Variants in TNFRSF21 observed in about 807,000 individuals in gnomAD.
TNFRSF21 encodes the protein TNF receptor superfamily member 21.
In TNFRSF21, 19 loss-of-function variants were observed where a neutral mutation model predicts 45.6. The ratio of observed to expected loss-of-function variants is 0.42; its 90% CI spans 0.29 to 0.61. The LOEUF is 0.61. Ranked by LOEUF, TNFRSF21 falls within the 20% of genes least tolerant of loss-of-function variation. The pLI, the probability that TNFRSF21 is intolerant of heterozygous loss-of-function variation, is 0.23. For synonymous variants in TNFRSF21, 314 were observed against 335.5 expected, an observed-to-expected ratio of 0.94 and a Z score of 0.70; for missense variants, 737 against 851.5, an observed-to-expected ratio of 0.87 and a Z score of 1.67.
At chr6:47,260,263 A>G (rs1765054100) in intron 3 of TNFRSF21, among the ~76,000 whole-genome samples, 1 of 117,990 alleles carries the variant, frequency 8.5e-6, no homozygotes, top group Non-Finnish European at 1.6e-5. Flanking sequence ...GGCTGAAGTC[A>G]TCCACAGGAG....
At chr6:47,283,223 T>G (rs1762594375) in intron 3 of TNFRSF21, among the ~76,000 whole-genome samples, 1 of 152,178 alleles carries the variant, frequency 6.6e-6, no homozygotes, top group African/African-American at 2.4e-5. Flanking sequence ...ACAAGTTCTA[T>G]AAGCTATTTT....
At chr6:47,233,083 G>A (rs777715157) in intron 5 of TNFRSF21, 89 bp from the exon 6 acceptor site, 34 of 1,142,766 alleles carry the variant, frequency 3.0e-5, no homozygotes, top group Non-Finnish European at 4.1e-5. Context: ...TAGAGAGAGA[G>A]ACATCTATGT....
In TNFRSF21 at chr6:47,245,452, GTGTGTT is replaced by G. The variant is rs368094663; in HGVS notation, c.1509+7798_1509+7803del. Among the ~76,000 whole-genome samples the G allele has an allele frequency of 9.3e-3, 1,182 of 127,404 alleles. 20 individuals carry two copies. The highest frequency in any genetic ancestry group is 0.041 in the African/African-American group (1,102 of 26,958). The allele number at this position is 127,404 out of a possible 152,430, so 83.6% of individuals were successfully genotyped here. A position where few individuals can be genotyped will look rare whatever the true frequency, so the allele number is the denominator to read the frequency against. On this transcript the variant is annotated intron_variant, in intron 4 of 5. Coordinates refer to ENST00000296861, the MANE Select transcript of TNFRSF21 (RefSeq NM_014452.5). ...AGTGTGTGTGTGTGTGTGTGTGTGT[GTGTGTT>G]TGTGTGTGTGTGTGTGTGTGTTGGG...
chr6:47,256,179 A>C (rs1764985337), intron 3 of TNFRSF21, among the ~76,000 whole-genome samples: 1 of 152,190 alleles, frequency 6.6e-6, no homozygotes, highest in African/African-American at 2.4e-5. Context: ...AATCCACTGA[A>C]AATGGTTTTC....
intron 4 of TNFRSF21, among the ~76,000 whole-genome samples, chr6:47,238,222 A>G (rs1216679208): frequency 1.3e-5 from 2 of 152,234 alleles, no homozygotes; most frequent in African/African-American, 2.4e-5. Flanking sequence ...GGTAACAGGA[A>G]GATTATCAAT....
chr6:47,270,619 C>G (rs1317757640), intron 3 of TNFRSF21, among the ~76,000 whole-genome samples: 2 of 152,186 alleles, frequency 1.3e-5, no homozygotes, highest in East Asian at 3.9e-4. Context: ...TCCAAAGGAT[C>G]ACAGCTCTTT....
chr6:47,234,921 T>C lies in TNFRSF21; in HGVS notation c.1510-23A>G, dbSNP rs1655431754. On this transcript the variant is annotated intron_variant, in intron 4 of 5. Transcript: ENST00000296861. ...CAGCTGTAGGAGGGAAAATTTTTTT[T>C]TATTATATATAGAAAAAAAAACAGT... 3.0e-5 allele frequency: 38 copies of C among 1,276,954 alleles called. No homozygotes were observed. In the East Asian group the frequency reaches 1.2e-3, roughly 39 times the overall value. 79.1% of individuals were successfully genotyped at this position (1,276,954 alleles called of 1,614,324 possible).
chr6:47,285,798 A>T, intron 2 of TNFRSF21, 146 bp downstream of exon 2: 2 of 890,686 alleles, frequency 2.2e-6, no homozygotes, highest in South Asian at 3.6e-5. Flanking sequence ...AGCCAGATTT[A>T]ATTAGCCACC....
chr6:47,234,795 A>G lies in TNFRSF21; in HGVS notation c.1613T>C (p.Val538Ala). The G allele has an allele frequency of 6.3e-7, 1 of 1,589,270 alleles. No homozygotes were observed. The highest frequency in any genetic ancestry group is 8.5e-7 in the Non-Finnish European group (1 of 1,170,170). The change falls in exon 5 of 6, where the codon GTG (valine) becomes GCG (alanine). Residue 538 changes from valine to alanine, a missense_variant. Val to Ala is a moderately conservative substitution (Grantham distance 64). Transcript: ENST00000296861. ...AKLENSALLT[V>A]EPSPQDKNKG... ...GTTCTTGTCCTGTGGGGAAGGCTCC[A>G]CCGTCAGGAGAGCGGAATTCTCAAG...
At chr6:47,309,236 A>G (rs1460320489) in intron 1 of TNFRSF21, among the ~76,000 whole-genome samples, 180 bp downstream of exon 1, 1 of 152,114 alleles carries the variant, frequency 6.6e-6, no homozygotes, top group South Asian at 2.1e-4. Context: ...GATTCCCCCA[A>G]ATAACCTAGT....
chr6:47,302,901 G>A (rs1198863570), intron 1 of TNFRSF21, among the ~76,000 whole-genome samples: 1 of 152,200 alleles, frequency 6.6e-6, no homozygotes, highest in African/African-American at 2.4e-5. Flanking sequence ...TCCCTTATCT[G>A]TAAAATGGGG....
chr6:47,298,306 A>AG lies in TNFRSF21; in HGVS notation c.96+11109dup, dbSNP rs1762818365. On this transcript the variant is annotated intron_variant, in intron 1 of 5. Transcript: ENST00000296861. ...AATTAAAAAAAAAAAAAAAAAAAAA[A>AG]GGAATCAGGTATAGTGGTGTTCCAG... Among the ~76,000 whole-genome samples, 3 of 147,718 alleles carry AG rather than the reference A, an allele frequency of 2.0e-5. 1 individual carries two copies. In the South Asian group the frequency reaches 6.5e-4, roughly 32 times the overall value.
chr6:47,251,385 A>G (rs1688792969), intron 4 of TNFRSF21, among the ~76,000 whole-genome samples: 1 of 152,224 alleles, frequency 6.6e-6, no homozygotes, highest in Non-Finnish European at 1.5e-5. Flanking sequence ...TACTATTAGA[A>G]TCTTTTGGTA....
At chr6:47,299,255 C>A (rs999881926) in intron 1 of TNFRSF21, among the ~76,000 whole-genome samples, 2 of 152,074 alleles carry the variant, frequency 1.3e-5, no homozygotes, top group African/African-American at 4.8e-5. Flanking sequence ...CTTTGGGAGG[C>A]CGAGGCAGGA....
chr6:47,259,068 T>A (rs9369670), intron 3 of TNFRSF21, among the ~76,000 whole-genome samples: 2 of 152,200 alleles, frequency 1.3e-5, no homozygotes, highest in South Asian at 4.1e-4. Flanking sequence ...TAGAAAAGCA[T>A]TTCATTAAAA....
chr6:47,259,245 T>A (rs774960440), intron 3 of TNFRSF21, among the ~76,000 whole-genome samples: 2 of 152,246 alleles, frequency 1.3e-5, no homozygotes, highest in Non-Finnish European at 1.5e-5. Context: ...TGACAGTAGC[T>A]ATGTGTTGAA....
chr6:47,268,693 C>T (rs1311438155), intron 3 of TNFRSF21, among the ~76,000 whole-genome samples: 2 of 152,116 alleles, frequency 1.3e-5, no homozygotes, highest in East Asian at 3.9e-4. Context: ...AGACACATAC[C>T]GCTTCCCCTT....
chr6:47,266,757 A>G (rs1284171102), intron 3 of TNFRSF21, among the ~76,000 whole-genome samples: 1 of 152,192 alleles, frequency 6.6e-6, no homozygotes, highest in Admixed American at 6.5e-5. Flanking sequence ...TCTCCGAAGG[A>G]AAGGATTTTA....
chr6:47,245,141 C>A lies in TNFRSF21; in HGVS notation c.1509+8115G>T, dbSNP rs369803587. 2.6e-3 allele frequency among the ~76,000 whole-genome samples: 402 copies of A among 152,194 alleles called. 2 individuals are homozygous for A. Among genetic ancestry groups the A allele is most frequent in the African/African-American group, 9.1e-3 (378 of 41,544 alleles). ...AAATGTCATCCACTAACAGACCCAGCCTTTTCTGAATGGTGAGACACTCTG... is the reference window on the plus strand; with the variant it reads ...AAATGTCATCCACTAACAGACCCAGACTTTTCTGAATGGTGAGACACTCTG... On this transcript the variant is annotated intron_variant, in intron 4 of 5. Coordinates refer to ENST00000296861, the MANE Select transcript of TNFRSF21 (RefSeq NM_014452.5).
Sources: allele counts gnomAD v4.1 joint callset (sites outside exome capture counted in the v4.1 genomes callset), GRCh38; gene constraint gnomAD v4.1.1; transcripts MANE v1.5; gene names NCBI Gene and HGNC (gene_info 2026-07-23, HGNC 2026-07-21).